FAM234A: variants seen among roughly 807,000 people sequenced by gnomAD.
FAM234A encodes the protein protein FAM234A.
A neutral mutation model predicts 49.1 loss-of-function variants in FAM234A; 42 were observed. That is an observed-to-expected ratio of 0.86 (90% CI 0.67 to 1.11). The LOEUF (loss-of-function observed/expected upper bound fraction) is 1.11, where lower values mean the gene tolerates loss of function less well. Ranked by LOEUF, FAM234A falls within the 50% of genes least tolerant of loss-of-function variation. The probability of loss-of-function intolerance (pLI) is 0.00; values close to 1 mark genes in which losing one functional copy is unlikely to be tolerated. For missense variants in FAM234A, 815 were observed against 745.2 expected (o/e 1.09, Z -1.09); for synonymous variants, 369 against 316.2 (o/e 1.17, Z -1.77).
chr16:254,311 G>GACCC, intron 2 of FAM234A, 70 bp from the exon 3 acceptor site: 1 of 1,332,646 alleles, frequency 7.5e-7, no homozygotes, highest in Non-Finnish European at 1.0e-6. Flanking sequence ...GACGCCAGCA[G>GACCC]ACCCCTCTGT....
intron 1 of FAM234A, among the ~76,000 whole-genome samples, chr16:242,543 C>T (rs1028853249): frequency 2.0e-5 from 3 of 151,444 alleles, no homozygotes; most frequent in East Asian, 3.9e-4. Flanking sequence ...GGGAATAATC[C>T]GTTTGAATAA....
chr16:253,511 G>C (rs2051101753), intron 2 of FAM234A, among the ~76,000 whole-genome samples: 1 of 151,230 alleles, frequency 6.6e-6, no homozygotes, highest in African/African-American at 2.4e-5. Context: ...GTGTCACTCT[G>C]TCGCCCAGGC....
At chr16:256,355 C>G (rs761223777) in intron 3 of FAM234A, among the ~76,000 whole-genome samples, 1 of 152,054 alleles carries the variant, frequency 6.6e-6, no homozygotes, top group Non-Finnish European at 1.5e-5. Context: ...CCTTTAGTTT[C>G]TTGTTATTGT....
At chr16:244,749 C>T (rs1023440158) in intron 1 of FAM234A, among the ~76,000 whole-genome samples, 1 of 133,510 alleles carries the variant, frequency 7.5e-6, no homozygotes, top group African/African-American at 3.0e-5. Context: ...AGTGGAATGG[C>T]ACGATCTTGG....
At chr16:263,522 C>T in intron 9 of FAM234A, 120 bp downstream of exon 9, 1 of 1,426,190 alleles carries the variant, frequency 7.0e-7, no homozygotes, top group South Asian at 1.3e-5. Flanking sequence ...GTGCTGCTGC[C>T]CGGGCTTCTT....
chr16:237,446 T>G (rs1049629800), intron 1 of FAM234A, among the ~76,000 whole-genome samples: 1 of 151,994 alleles, frequency 6.6e-6, no homozygotes, highest in Non-Finnish European at 1.5e-5. Context: ...GTCTTTTCTG[T>G]TTTTTCTAGA....
rs2051642297 is a variant in FAM234A, at chr16:264,992, C to T, written c.1629C>T (p.Phe543=). ...GTGACCAAGCCATCAGGGACCGGTT[C>T]TCCCGGCTGCGGTACCAGAGTGAGG... ...PDSDQAIRDR[F]SRLRYQSEA Residue 543 remains phenylalanine (F), a synonymous_variant, in exon 13 of 13, where the codon TTC becomes TTT. Transcript: ENST00000399932. 5 of 1,610,708 alleles carry T rather than the reference C, an allele frequency of 3.1e-6. No individual in the cohort carries two copies. The highest frequency in any genetic ancestry group is 2.2e-5 in the South Asian group (2 of 90,910).
chr16:261,514 G>T lies in FAM234A; in HGVS notation c.708G>T (p.Glu236Asp), dbSNP rs758436154. 2.5e-6 allele frequency: 4 copies of T among 1,598,486 alleles called. No homozygotes were observed. The highest frequency in any genetic ancestry group is 2.6e-6 in the Non-Finnish European group (3 of 1,173,842). ...DLLVLTQEREEVSGHLYSGST... is the reference protein window; with the variant it reads ...DLLVLTQEREDVSGHLYSGST... ...TGGTTCTCACCCAGGAGCGGGAGGA[G>T]GTACATCCCAGCCTGGCTCTGCTCC... The change falls in exon 6 of 13, where the codon GAG (glutamate) becomes GAT (aspartate). Residue 236 changes from glutamate (E) to aspartate (D), a missense_variant and splice_region_variant. Physicochemically the swap from Glu to Asp is conservative, Grantham distance 45. Transcript: ENST00000399932.
intron 1 of FAM234A, among the ~76,000 whole-genome samples, chr16:245,650 A>G (rs2050778697): frequency 6.6e-6 from 1 of 150,746 alleles, no homozygotes; most frequent in Admixed American, 6.6e-5. Context: ...AACACTAATG[A>G]TAGCTGATGA....
downstream of FAM234A, chr16:268,842 C>A (rs894842198): frequency 1.9e-6 from 3 of 1,550,408 alleles, no homozygotes; most frequent in East Asian, 7.3e-5. Context: ...CCTGCATGTC[C>A]GCGTCTTGTG....
At chr16:237,072 T>C (rs1686809404) in intron 1 of FAM234A, among the ~76,000 whole-genome samples, 1 of 97,178 alleles carries the variant, frequency 1.0e-5, no homozygotes, top group Non-Finnish European at 2.2e-5. Context: ...TATTTATGTA[T>C]TTTTTTAAAA....
chr16:269,402 CT>C (rs757631443), downstream of FAM234A: 29 of 1,594,676 alleles, frequency 1.8e-5, no homozygotes, highest in Non-Finnish European at 2.4e-5. Flanking sequence ...GAGAAGGCGG[CT>C]GAGAACAGGC....
In FAM234A at chr16:264,025, C is replaced by A. The variant is rs369204524; in HGVS notation, c.1198C>A (p.Leu400Met). ...TCCCCTCCCTCCCCAGATCCTGTTT[C>A]TGGACCTTGGCACTGGAGCCGTCCT... ...GTGTDRQILF[L>M]DLGTGAVLCS... The change falls in exon 11 of 13, where the codon CTG becomes ATG. Residue 400 changes from leucine to methionine, a missense_variant. By Grantham distance (15) the Leu-to-Met change is conservative. Transcript: ENST00000399932. 6.2e-7 allele frequency: 1 copy of A among 1,612,634 alleles called. No homozygotes were observed. Among genetic ancestry groups the A allele is most frequent in the Non-Finnish European group, 8.5e-7 (1 of 1,179,580 alleles).
At chr16:253,885 T>C (rs1207857413) in intron 2 of FAM234A, 3 of 167,272 alleles carry the variant, frequency 1.8e-5, no homozygotes, top group Non-Finnish European at 3.9e-5. Flanking sequence ...GTCACACAGC[T>C]AGGGAGGTGC....
intron 2 of FAM234A, 37 bp from the exon 3 acceptor site, chr16:254,344 C>A: frequency 6.4e-7 from 1 of 1,563,536 alleles, no homozygotes; most frequent in Non-Finnish European, 8.7e-7. Flanking sequence ...TGCCGTGGGA[C>A]TGCTGGCCTC....
intron 3 of FAM234A, among the ~76,000 whole-genome samples, chr16:258,709 C>T (rs1460164061): frequency 6.6e-6 from 1 of 152,212 alleles, no homozygotes; most frequent in Admixed American, 6.5e-5. Context: ...CAGAGGGGCT[C>T]CTCACTTCCC....
chr16:249,894 G>GT (rs1596784726), intron 2 of FAM234A, among the ~76,000 whole-genome samples: 1 of 151,852 alleles, frequency 6.6e-6, no homozygotes, highest in East Asian at 1.9e-4. Flanking sequence ...TTCTTACTCC[G>GT]TTTTTTTCTT....
chr16:251,472 C>G (rs1002162915), intron 2 of FAM234A, among the ~76,000 whole-genome samples: 1 of 151,816 alleles, frequency 6.6e-6, no homozygotes, highest in African/African-American at 2.4e-5. Flanking sequence ...CCCCCCTGGG[C>G]TCTAGTGATC....
chr16:264,311 A>G, intron 11 of FAM234A, 140 bp downstream of exon 11: 4 of 985,256 alleles, frequency 4.1e-6, no homozygotes, highest in Non-Finnish European at 5.8e-6. Flanking sequence ...AGTCAGGATG[A>G]GGTGGTGCAA....
Sources: gnomAD v4.1 joint callset for allele counts (sites outside exome capture counted in the v4.1 genomes callset) on GRCh38, gnomAD v4.1.1 for gene constraint, MANE v1.5 for transcripts, NCBI Gene and HGNC (gene_info 2026-07-23, HGNC 2026-07-21) for gene names.